Variants in USP7 observed in about 807,000 individuals in gnomAD.
USP7 encodes ubiquitin C-terminal hydrolase 7.
Under a neutral mutation model 162.9 loss-of-function variants are expected in USP7, and 9 were observed. That is an observed-to-expected ratio of 0.06 (90% CI 0.03 to 0.10). The LOEUF (loss-of-function observed/expected upper bound fraction) is 0.10, where lower values mean the gene tolerates loss of function less well. Ranked by LOEUF, USP7 falls within the 10% of genes least tolerant of loss-of-function variation. The pLI, the probability that USP7 is intolerant of heterozygous loss-of-function variation, is 1.00. For missense variants in USP7, 715 were observed against 1,373.7 expected, an observed-to-expected ratio of 0.52 and a Z score of 7.58; for synonymous variants, 562 against 475.9, an observed-to-expected ratio of 1.18 and a Z score of -2.35.
At chr16:8,908,204 G>T (rs1035235808) in intron 12 of USP7, 137 bp downstream of exon 12, 4 of 725,774 alleles carry the variant, frequency 5.5e-6, no homozygotes, top group Non-Finnish European at 9.2e-6. Context: ...TGCGGCTCTT[G>T]GGACACAGAG....
rs75830058 is a variant in USP7 at position 8,947,060 on chromosome 16, A to G, written c.79+16147T>C. Among the ~76,000 whole-genome samples, 46 of 152,296 alleles carry G rather than the reference A, an allele frequency of 3.0e-4. No homozygotes were observed. The East Asian group carries it at 8.3e-3, about 27-fold the overall frequency. On this transcript the variant is annotated intron_variant, in intron 1 of 30. Coordinates refer to ENST00000344836, the MANE Select transcript of USP7 (RefSeq NM_003470.3). ...TGTAGTTATCAGAGAATAGTCAATC[A>G]TTCAAAAAGGCTACTAAAGCATTCC...
chr16:8,921,587 T>C (rs969176107), intron 3 of USP7, among the ~76,000 whole-genome samples: 2 of 152,210 alleles, frequency 1.3e-5, no homozygotes, highest in African/African-American at 4.8e-5. Context: ...GACCTCTGCT[T>C]CTACTGCCGA....
rs553661083 is a variant in USP7 at position 8,948,048 on chromosome 16, C to A, written c.79+15159G>T. Among the ~76,000 whole-genome samples, 159 of 152,342 alleles carry A rather than the reference C, an allele frequency of 1.0e-3. 3 individuals carry two copies. The South Asian group carries it at 0.023, about 22-fold the overall frequency. On this transcript the variant is annotated intron_variant, in intron 1 of 30. Transcript: ENST00000344836. The stretch of plus-strand genomic sequence containing the variant: ...CTCCCCACTCCCACCCACCACCTCT[C>A]GAAGACTGCATGCCCTGCAGACGTC...
chr16:8,924,375 T>A (rs1897877710), intron 2 of USP7, among the ~76,000 whole-genome samples: 1 of 152,236 alleles, frequency 6.6e-6, no homozygotes, highest in Non-Finnish European at 1.5e-5. Flanking sequence ...ACGCTTCCTT[T>A]CACTTTCTGT....
chr16:8,912,340 TA>T (rs1170014985), intron 10 of USP7, among the ~76,000 whole-genome samples: 1 of 151,116 alleles, frequency 6.6e-6, no homozygotes, highest in Non-Finnish European at 1.5e-5. Flanking sequence ...TAATCCCAGC[TA>T]CTCAGGAGGC....
intron 2 of USP7, among the ~76,000 whole-genome samples, chr16:8,927,257 G>C (rs1432607347): frequency 6.6e-6 from 1 of 151,776 alleles, no homozygotes; most frequent in Non-Finnish European, 1.5e-5. Flanking sequence ...GGGAGGCAGA[G>C]GGTGAGGTGA....
At chr16:8,923,054 T>C (rs1897787980) in intron 3 of USP7, among the ~76,000 whole-genome samples, 161 bp downstream of exon 3, 1 of 152,258 alleles carries the variant, frequency 6.6e-6, no homozygotes, top group African/African-American at 2.4e-5. Context: ...AAAATATACT[T>C]TTCTAGCTTG....
chr16:8,898,690 AC>A, intron 23 of USP7, 51 bp from the exon 24 acceptor site: 1 of 1,439,516 alleles, frequency 6.9e-7, no homozygotes, highest in Non-Finnish European at 9.4e-7. Context: ...TTGCCTAAAA[AC>A]AAATATCTGT....
At chr16:8,897,716 A>T (rs1300423620) in intron 25 of USP7, among the ~76,000 whole-genome samples, 276 of 45,880 alleles carry the variant, frequency 6.0e-3, no homozygotes, top group Non-Finnish European at 9.4e-3. Flanking sequence ...AAAAAAAAAA[A>T]AAAAAAAAAA....
At chr16:8,919,179 C>T (rs377154921) in intron 5 of USP7, 40 bp from the exon 6 acceptor site, 111 of 1,593,206 alleles carry the variant, frequency 7.0e-5, no homozygotes, top group Non-Finnish European at 8.8e-5. Flanking sequence ...CTTGCAGATA[C>T]CCCATTGCTC....
In USP7 at chr16:8,915,607, T is replaced by A. The variant is rs528863299; in HGVS notation, c.907-82A>T. On this transcript the variant is annotated intron_variant, in intron 8 of 30. Coordinates refer to ENST00000344836, the MANE Select transcript of USP7 (RefSeq NM_003470.3). Reference sequence around the variant, plus strand: ...GTAATTTTATAATTGACTAGAAATATCAATGTTCAAAGAAGTTGTAGACTA... The same window carrying A: ...GTAATTTTATAATTGACTAGAAATAACAATGTTCAAAGAAGTTGTAGACTA... 348 of 1,224,216 alleles carry A rather than the reference T, an allele frequency of 2.8e-4. No individual in the cohort carries two copies. The highest frequency in any genetic ancestry group is 3.8e-4 in the Non-Finnish European group (324 of 861,034). The allele number at this position is 1,224,216 out of a possible 1,614,324, so 75.8% of individuals were successfully genotyped here.
chr16:8,935,402 G>A (rs1048893550), intron 1 of USP7, among the ~76,000 whole-genome samples: 1 of 152,010 alleles, frequency 6.6e-6, no homozygotes, highest in Admixed American at 6.6e-5. Flanking sequence ...GTAGAGATGG[G>A]GTTTCACCAC....
chr16:8,914,834 G>A (rs1374959045), intron 10 of USP7, among the ~76,000 whole-genome samples: 2 of 152,136 alleles, frequency 1.3e-5, no homozygotes, highest in African/African-American at 4.8e-5. Context: ...CAGGAGGATC[G>A]CCTGAGTCCT....
chr16:8,906,483 A>G lies in USP7; in HGVS notation c.1371T>C (p.Ser457=). ...CATAATGTCCACCATGATTATCTCC[A>G]CTATGAACCAGGACTGCATGAAGAA... ...NYILHAVLVH[S]GDNHGGHYVV... The change falls in exon 13 of 31, where the codon AGT becomes AGC. Residue 457 remains serine (S), a synonymous_variant. Coordinates refer to ENST00000344836, the MANE Select transcript of USP7 (RefSeq NM_003470.3). 1 of 1,612,704 alleles carries G rather than the reference A, an allele frequency of 6.2e-7. No homozygotes were observed. The highest frequency in any genetic ancestry group is 1.1e-5 in the South Asian group (1 of 91,018).
Position 8,941,369 on chromosome 16 carries a change from G to A in USP7, c.80-10972C>T, listed in dbSNP as rs184917718. Among the ~76,000 whole-genome samples, 15 of 152,328 alleles carry A rather than the reference G, an allele frequency of 9.8e-5. No homozygotes were observed. In the East Asian group the frequency reaches 2.9e-3, roughly 29 times the overall value. On this transcript the variant is annotated intron_variant, in intron 1 of 30. Transcript: ENST00000344836. ...ACATACCCTACATATCCTGCAGTCT[G>A]CGGTTAACAACTTTTTAACAAAGAA...
intron 1 of USP7, among the ~76,000 whole-genome samples, chr16:8,941,147 C>A (rs1323043808): frequency 6.6e-6 from 1 of 152,124 alleles, no homozygotes; most frequent in African/African-American, 2.4e-5. Flanking sequence ...CCCATGAGGA[C>A]CCCCCGCCCC....
rs74488633 is a variant in USP7, at chr16:8,895,431, C to A, written c.2919+211G>T. Among the ~76,000 whole-genome samples, 298 of 152,310 alleles carry A rather than the reference C, an allele frequency of 2.0e-3. 7 individuals carry two copies. In the East Asian group the frequency reaches 0.05, roughly 25 times the overall value. ...GTCAACAGCTCTAAATTCAAGTGAT[C>A]CACAGTTTCTGTCTGGATTGGGTTG... is the stretch of plus-strand genomic sequence containing the variant. On this transcript the variant is annotated intron_variant, in intron 27 of 30. Transcript: ENST00000344836.
intron 2 of USP7, among the ~76,000 whole-genome samples, chr16:8,926,780 T>TAC (rs1898025390): frequency 6.6e-6 from 1 of 152,212 alleles, no homozygotes; most frequent in African/African-American, 2.4e-5. Context: ...ACCATTTCAT[T>TAC]ACCGCATGCT....
intron 30 of USP7, 71 bp from the exon 31 acceptor site, chr16:8,894,175 G>A (rs868717485): frequency 8.5e-6 from 12 of 1,404,116 alleles, no homozygotes; most frequent in Middle Eastern, 2.1e-4. Flanking sequence ...GTGGTGGCCA[G>A]TGAGGCATGC....
Sources: allele counts gnomAD v4.1 joint callset (sites outside exome capture counted in the v4.1 genomes callset), GRCh38; gene constraint gnomAD v4.1.1; transcripts MANE v1.5; gene names NCBI Gene and HGNC (gene_info 2026-07-23, HGNC 2026-07-21).